PTHLH: variants seen among roughly 807,000 people sequenced by gnomAD.
PTHLH encodes parathyroid hormone like hormone, also known as parathyroid hormone-related protein.
PTHLH carries 5 observed loss-of-function variants against 18.6 expected under a neutral mutation model. That is an observed-to-expected ratio of 0.27 (90% CI 0.14 to 0.56). The LOEUF is 0.56. Among genes scored for constraint, PTHLH ranks in the 20% least tolerant of loss-of-function variants. The pLI is 0.92. For synonymous variants in PTHLH, 90 were observed against 94.0 expected, an observed-to-expected ratio of 0.96 and a Z score of 0.25; for missense variants, 207 against 223.9, an observed-to-expected ratio of 0.92 and a Z score of 0.48.
Position 27,963,725 on chromosome 12 carries a change from C to T in PTHLH, c.147G>A (p.Lys49=). 1.9e-6 allele frequency: 3 copies of T among 1,613,648 alleles called. No individual in the cohort carries two copies. Among genetic ancestry groups the T allele is most frequent in the Non-Finnish European group, 2.5e-6 (3 of 1,179,914 alleles). ...ATCGTCGCCGTAAATCTTGGATGGA[C>T]TTCCCCTTGTCATGGAGGAGCTGAT... ...SEHQLLHDKG[K]SIQDLRRRFF... The change falls in exon 5 of 6, where the codon AAG becomes AAA. Residue 49 remains lysine, a synonymous_variant. Transcript: ENST00000545234.
intron 4 of PTHLH, 56 bp downstream of exon 4, chr12:27,969,338 C>G (rs1565525071): frequency 6.7e-7 from 1 of 1,491,082 alleles, no homozygotes; most frequent in South Asian, 1.2e-5. Flanking sequence ...CCCAGCTTGG[C>G]AGCCCCTCCC....
intron 4 of PTHLH, among the ~76,000 whole-genome samples, chr12:27,967,288 G>A (rs1420635993): frequency 6.6e-6 from 1 of 152,066 alleles, no homozygotes; most frequent in Non-Finnish European, 1.5e-5. Context: ...GGATTAACAG[G>A]TCAAAAAGAC....
chr12:27,959,574 G>A (rs766126916), intron 5 of PTHLH, among the ~76,000 whole-genome samples: 8 of 152,172 alleles, frequency 5.3e-5, no homozygotes, highest in Non-Finnish European at 7.3e-5. Flanking sequence ...GATTGGCTAT[G>A]TCATTGAATT....
chr12:27,969,088 C>A (rs1285357280), intron 4 of PTHLH: 2 of 383,664 alleles, frequency 5.2e-6, no homozygotes, highest in Admixed American at 3.9e-5. Flanking sequence ...CCACCACCCC[C>A]CAACTTTTTT....
chr12:27,968,163 C>A (rs146791158), intron 4 of PTHLH, among the ~76,000 whole-genome samples: 9 of 152,188 alleles, frequency 5.9e-5, no homozygotes, highest in Admixed American at 2.0e-4. Context: ...TACAATGCAG[C>A]CTTATCTTCG....
chr12:27,962,742 CAG>C, intron 5 of PTHLH: 1 of 980,622 alleles, frequency 1.0e-6, no homozygotes, highest in South Asian at 4.7e-5. Flanking sequence ...TGGTAGAAAC[CAG>C]AGTTAAATTT....
At chr12:27,962,422 T>C in intron 5 of PTHLH, 3 of 493,278 alleles carry the variant, frequency 6.1e-6, no homozygotes, top group Non-Finnish European at 7.9e-6. Context: ...GGTACAATTA[T>C]ATTTCACAGA....
rs78019795 is a variant in PTHLH, at chr12:27,965,734, T to C, written c.102-1964A>G. ...CACATGTGACTAGATTAAAATTCAC[T>C]TACTCTGCGGTAATAGTTAGTATTC... On this transcript the variant is annotated intron_variant, in intron 4 of 5. Transcript: ENST00000545234. Among the ~76,000 whole-genome samples the C allele has an allele frequency of 2.0e-5, 3 of 152,344 alleles. No individual in the cohort carries two copies. In the South Asian group the frequency reaches 6.2e-4, roughly 32 times the overall value.
At chr12:27,970,525 G>A (rs1005517915) in intron 2 of PTHLH, among the ~76,000 whole-genome samples, 1 of 151,748 alleles carries the variant, frequency 6.6e-6, no homozygotes, top group African/African-American at 2.4e-5. Flanking sequence ...CCCGGAGCCC[G>A]GGCCCTGTCG....
chr12:27,970,316 G>A (rs1335377853), intron 2 of PTHLH, 49 bp from the exon 3 acceptor site: 1 of 194,688 alleles, frequency 5.1e-6, no homozygotes, highest in Non-Finnish European at 1.1e-5. Context: ...CTAGGAACGC[G>A]CGCGGGGCGA....
Position 27,963,436 on chromosome 12 carries a change from C to T in PTHLH, c.436G>A (p.Ala146Thr). 6.2e-7 allele frequency: 1 copy of T among 1,614,164 alleles called. No individual in the cohort carries two copies. The highest frequency in any genetic ancestry group is 8.5e-7 in the Non-Finnish European group (1 of 1,180,018). ...CCAGTCACTCCAGAGTCTAACCAGG[C>T]AGAGCGAGTTCGCCGTTTTTTCTTT... Reference protein sequence around the residue: ...QEKKKRRTRSAWLDSGVTGSG... With the variant: ...QEKKKRRTRSTWLDSGVTGSG... The change falls in exon 5 of 6, where the codon GCC (alanine) becomes ACC (threonine). Residue 146 changes from alanine (A) to threonine (T), a missense_variant. Physicochemically the swap from Ala to Thr is moderately conservative, Grantham distance 58 (BLOSUM62 0). Transcript: ENST00000545234.
rs1035875748 is a variant in PTHLH, at chr12:27,963,232, G to C, written c.524+116C>G. 7.0e-6 allele frequency: 11 copies of C among 1,564,982 alleles called. No individual in the cohort carries two copies. In the African/African-American group the frequency reaches 1.2e-4, roughly 17 times the overall value. ...ATTCTCTGTCAATTGCTACACAATC[G>C]ATAGAGATACATAAAGGGAGAAAAT... On this transcript the variant is annotated intron_variant, in intron 5 of 5. Transcript: ENST00000545234.
At chr12:27,964,268 C>CCT (rs1555124758) in intron 4 of PTHLH, among the ~76,000 whole-genome samples, 3 of 20,074 alleles carry the variant, frequency 1.5e-4, no homozygotes, top group African/African-American at 3.6e-4. Flanking sequence ...CTCTCTCTCT[C>CCT]CTCTCTCTCT....
intron 5 of PTHLH, chr12:27,961,884 G>C: frequency 1.4e-6 from 1 of 695,720 alleles, no homozygotes; most frequent in South Asian, 1.6e-5. Context: ...CAGAGTCAAA[G>C]GAAATGACTA....
chr12:27,963,467 C>T lies in PTHLH; in HGVS notation c.405G>A (p.Glu135=), dbSNP rs2062779737. Residue 135 remains glutamate, a synonymous_variant, in exon 5 of 6, where the codon GAG becomes GAA. Transcript: ENST00000545234. The part of the protein sequence containing the change: ...KKKGKPGKRK[E]QEKKKRRTRS... Reference sequence around the variant, plus strand: ...GAGTTCGCCGTTTTTTCTTTTCCTGCTCCTTGCGTTTCCCGGGCTTGCCTT... The same window carrying T: ...GAGTTCGCCGTTTTTTCTTTTCCTGTTCCTTGCGTTTCCCGGGCTTGCCTT... 1 of 1,614,060 alleles carries T rather than the reference C, an allele frequency of 6.2e-7. No individual in the cohort carries two copies. The highest frequency in any genetic ancestry group is 1.7e-5 in the Admixed American group (1 of 60,006).
At chr12:27,969,608 AG>A in intron 3 of PTHLH, 92 bp from the exon 4 acceptor site, 1 of 1,154,778 alleles carries the variant, frequency 8.7e-7, no homozygotes, top group Non-Finnish European at 1.3e-6. Flanking sequence ...GCTCTCAAAA[AG>A]CCTCTTCAAC....
chr12:27,962,731 C>T (rs1591847574), intron 5 of PTHLH: 1 of 981,376 alleles, frequency 1.0e-6, no homozygotes, highest in Non-Finnish European at 1.2e-6. Context: ...TTTGTATGAG[C>T]TGGTAGAAAC....
chr12:27,962,232 C>A (rs866416101), intron 5 of PTHLH: 4 of 255,064 alleles, frequency 1.6e-5, no homozygotes, highest in African/African-American at 2.3e-5. Flanking sequence ...ACATACCCCC[C>A]TAGATAGATA....
intron 5 of PTHLH, among the ~76,000 whole-genome samples, chr12:27,958,814 C>T (rs1051553602): frequency 3.4e-4 from 52 of 152,264 alleles, no homozygotes; most frequent in African/African-American, 1.0e-3. Flanking sequence ...AAAGGGCCTG[C>T]GTTTCCAATC....
Sources: allele counts gnomAD v4.1 joint callset (sites outside exome capture counted in the v4.1 genomes callset), GRCh38; gene constraint gnomAD v4.1.1; transcripts MANE v1.5; gene names NCBI Gene and HGNC (gene_info 2026-07-23, HGNC 2026-07-21).